The following NIPAL4 variants were observed in gnomAD, a reference collection of about 807,000 sequenced individuals.
NIPAL4 encodes the protein magnesium transporter NIPA4.
NIPAL4 carries 21 observed loss-of-function variants against 31.6 expected under a neutral mutation model. That is an observed-to-expected ratio of 0.67 (90% CI 0.47 to 0.96). The LOEUF (loss-of-function observed/expected upper bound fraction) is 0.96, where lower values mean the gene tolerates loss of function less well. Among genes scored for constraint, NIPAL4 ranks in the 40% least tolerant of loss-of-function variants. The pLI is 0.00. For synonymous variants in NIPAL4, 175 were observed against 211.1 expected (o/e 0.83, Z 1.48); for missense variants, 438 against 508.0 (o/e 0.86, Z 1.32).
intron 1 of NIPAL4, among the ~76,000 whole-genome samples, chr5:157,462,231 G>T (rs1754130014): frequency 6.6e-6 from 1 of 152,238 alleles, no homozygotes; most frequent in Admixed American, 6.5e-5. Flanking sequence ...GGGCAACACT[G>T]CCCAGCTGCA....
chr5:157,467,089 G>T lies in NIPAL4; in HGVS notation c.318G>T (p.Trp106Cys). Residue 106 changes from tryptophan to cysteine, a missense_variant, in exon 3 of 6, where the codon TGG becomes TGT. Trp to Cys is a radical substitution (Grantham distance 215). Coordinates refer to ENST00000311946, the MANE Select transcript of NIPAL4 (RefSeq NM_001099287.2). ...GCTACCTGAAAGATGCAATGTGGTG[G>T]GCTGGATTTCTCACCAGTAAGTGGG... ...GFGYLKDAMW[W>C]AGFLTMAAGE... 6.2e-7 allele frequency: 1 copy of T among 1,612,626 alleles called. No homozygotes were observed. The highest frequency in any genetic ancestry group is 1.1e-5 in the South Asian group (1 of 91,042).
intron 2 of NIPAL4, among the ~76,000 whole-genome samples, chr5:157,465,114 G>A (rs561730037): frequency 3.9e-5 from 6 of 152,292 alleles, no homozygotes; most frequent in Non-Finnish European, 7.4e-5. Flanking sequence ...TAGAGCCCAT[G>A]TGTGCTGCAA....
At chr5:157,464,319 C>G (rs535942422) in intron 2 of NIPAL4, among the ~76,000 whole-genome samples, 2 of 152,222 alleles carry the variant, frequency 1.3e-5, no homozygotes, top group Non-Finnish European at 2.9e-5. Flanking sequence ...GAAGGGCCAG[C>G]TCATGAAGGG....
At chr5:157,463,951 G>T (rs1021707986) in intron 2 of NIPAL4, among the ~76,000 whole-genome samples, 1 of 152,176 alleles carries the variant, frequency 6.6e-6, no homozygotes, top group African/African-American at 2.4e-5. Context: ...TAGACATGGG[G>T]ATTCAGTGTC....
chr5:157,467,257 G>C (rs1481809046), intron 3 of NIPAL4, 152 bp downstream of exon 3: 4 of 661,400 alleles, frequency 6.0e-6, no homozygotes. Context: ...ACCTTTACAG[G>C]GAGAACATCT....
intron 3 of NIPAL4, 53 bp from the exon 4 acceptor site, chr5:157,468,669 T>G: frequency 3.0e-6 from 3 of 987,986 alleles, no homozygotes; most frequent in South Asian, 1.3e-5. Context: ...TCGTCTGGAA[T>G]GGAGATGGTG....
intron 2 of NIPAL4, among the ~76,000 whole-genome samples, chr5:157,464,499 G>C (rs1754200522): frequency 6.6e-6 from 1 of 152,174 alleles, no homozygotes; most frequent in South Asian, 2.1e-4. Context: ...GTGAGTGAAA[G>C]GACAGAACTT....
At chr5:157,466,987 G>C (rs1339301174) in intron 2 of NIPAL4, 62 bp from the exon 3 acceptor site, 21 of 1,293,312 alleles carry the variant, frequency 1.6e-5, no homozygotes, top group Non-Finnish European at 2.4e-5. Context: ...AGAGAGTTAG[G>C]AAAGGTACCT....
In NIPAL4 at chr5:157,474,687, G is replaced by C. The variant is rs1158574230; in HGVS notation, c.*1727G>C. 6.6e-6 allele frequency: 1 copy of C among 152,152 alleles called. No homozygotes were observed. The highest frequency in any genetic ancestry group is 1.9e-4 in the East Asian group (1 of 5,198). 9.4% of individuals were successfully genotyped at this position (152,152 alleles called of 1,614,324 possible). A position where few individuals can be genotyped will look rare whatever the true frequency, so the allele number is the denominator to read the frequency against. ...AGGGCCCTAAGAGTGTGGTCTGCAG[G>C]GTCAAGAATAAAGATTACAGATTAT... On this transcript the variant is annotated 3_prime_UTR_variant, in exon 6 of 6. Coordinates refer to ENST00000311946, the MANE Select transcript of NIPAL4 (RefSeq NM_001099287.2).
intron 4 of NIPAL4, among the ~76,000 whole-genome samples, chr5:157,471,271 T>C (rs1297968830): frequency 1.3e-5 from 2 of 152,202 alleles, no homozygotes; most frequent in Non-Finnish European, 2.9e-5. Context: ...CTAGGGATGC[T>C]GTGAGGATTA....
At chr5:157,460,514 G>T (rs752097085) in intron 1 of NIPAL4, 157 bp downstream of exon 1, 2 of 769,798 alleles carry the variant, frequency 2.6e-6, no homozygotes, top group Non-Finnish European at 4.5e-6. Context: ...TGAAGATCTG[G>T]GTTCTGGCTG....
intron 2 of NIPAL4, among the ~76,000 whole-genome samples, chr5:157,465,113 T>C (rs1754217733): frequency 6.6e-6 from 1 of 152,150 alleles, no homozygotes; most frequent in Non-Finnish European, 1.5e-5. Context: ...CTAGAGCCCA[T>C]GTGTGCTGCA....
At chr5:157,466,038 G>A (rs1754263581) in intron 2 of NIPAL4, among the ~76,000 whole-genome samples, 1 of 139,724 alleles carries the variant, frequency 7.2e-6, no homozygotes, top group African/African-American at 2.6e-5. Flanking sequence ...AAGGAGGGAG[G>A]AGGGAGGGAA....
chr5:157,466,448 CGACTG>C (rs1754275443), intron 2 of NIPAL4, among the ~76,000 whole-genome samples: 1 of 152,150 alleles, frequency 6.6e-6, no homozygotes, highest in Admixed American at 6.5e-5. Flanking sequence ...TCTTAAAAGA[CGACTG>C]GCTGCCATGA....
chr5:157,464,355 GAGTGCAATTGTTA>G (rs1283775375), intron 2 of NIPAL4, among the ~76,000 whole-genome samples: 1 of 152,160 alleles, frequency 6.6e-6, no homozygotes, highest in Non-Finnish European at 1.5e-5. Context: ...TACAGAGGCT[GAGTGCAATTGTTA>G]AGTGACTGAA....
intron 2 of NIPAL4, among the ~76,000 whole-genome samples, chr5:157,465,574 G>A (rs758746188): frequency 2.0e-5 from 3 of 152,176 alleles, no homozygotes; most frequent in Non-Finnish European, 1.5e-5. Context: ...GCCAGGTCCT[G>A]AACAAAGCAG....
intron 4 of NIPAL4, among the ~76,000 whole-genome samples, chr5:157,469,024 G>A (rs1754355319): frequency 6.6e-6 from 1 of 152,210 alleles, no homozygotes; most frequent in African/African-American, 2.4e-5. Context: ...GTAATAGAGA[G>A]GCAGGCCAAG....
At chr5:157,471,892 T>C (rs533210732) in intron 5 of NIPAL4, 75 bp downstream of exon 5, 5 of 1,157,810 alleles carry the variant, frequency 4.3e-6, no homozygotes, top group East Asian at 2.6e-5. Flanking sequence ...AAAGGTCAGG[T>C]TGGGTTCTGA....
chr5:157,461,712 A>G (rs1158681533), intron 1 of NIPAL4, among the ~76,000 whole-genome samples: 1 of 152,250 alleles, frequency 6.6e-6, no homozygotes, highest in Non-Finnish European at 1.5e-5. Flanking sequence ...AAAGAGAGAT[A>G]TCACACTGCA....
Sources: gnomAD v4.1 joint callset for allele counts (sites outside exome capture counted in the v4.1 genomes callset) on GRCh38, gnomAD v4.1.1 for gene constraint, MANE v1.5 for transcripts, NCBI Gene and HGNC (gene_info 2026-07-23, HGNC 2026-07-21) for gene names.